Variants in ITGAE observed in about 807,000 individuals in gnomAD.
ITGAE encodes integrin subunit alpha E.
ITGAE carries 99 observed loss-of-function variants against 136.5 expected under a neutral mutation model. The observed-to-expected ratio is 0.73, with a 90% confidence interval of 0.62 to 0.86. The LOEUF (loss-of-function observed/expected upper bound fraction) is 0.86, where lower values mean the gene tolerates loss of function less well. ITGAE is among the 40% of genes least tolerant of loss of function. The probability of loss-of-function intolerance (pLI) is 0.00; values close to 1 mark genes in which losing one functional copy is unlikely to be tolerated. For missense variants in ITGAE, 1,447 were observed against 1,515.3 expected, an observed-to-expected ratio of 0.95 and a Z score of 0.75; for synonymous variants, 613 against 591.8, an observed-to-expected ratio of 1.04 and a Z score of -0.52.
intron 12 of ITGAE, 62 bp from the exon 13 acceptor site, chr17:3,753,987 C>G: frequency 6.4e-7 from 1 of 1,570,000 alleles, no homozygotes; most frequent in African/African-American, 1.3e-5. Flanking sequence ...TCTCTCTTGG[C>G]CCCGGCACCT....
chr17:3,751,949 C>T lies in ITGAE; in HGVS notation c.1669-75G>A, dbSNP rs1260324042. ...CACTCCATTGCCACCCCGATGCACG[C>T]TCACTGGGCCGGTGGGTGCCCACTC... is the stretch of plus-strand genomic sequence containing the variant. On this transcript the variant is annotated intron_variant, in intron 14 of 30. Transcript: ENST00000263087. 10 of 1,290,626 alleles carry T rather than the reference C, an allele frequency of 7.7e-6. No homozygotes were observed. The Admixed American group carries it at 1.1e-4, about 14-fold the overall frequency. 79.9% of individuals were successfully genotyped at this position (1,290,626 alleles called of 1,614,324 possible). A position where few individuals can be genotyped will look rare whatever the true frequency, so the allele number is the denominator to read the frequency against.
chr17:3,771,426 G>A (rs943525320), intron 2 of ITGAE, among the ~76,000 whole-genome samples: 70 of 152,338 alleles, frequency 4.6e-4, no homozygotes, highest in African/African-American at 1.7e-3. Flanking sequence ...GGCTTAGAGG[G>A]GGCCTAGGCG....
rs2053165514 is a variant in ITGAE, at chr17:3,798,117, C to A, written c.34+2994G>T. 6.6e-6 allele frequency among the ~76,000 whole-genome samples: 1 copy of A among 152,230 alleles called. No homozygotes were observed. Among genetic ancestry groups the A allele is most frequent in the South Asian group, 2.1e-4 (1 of 4,836 alleles). On this transcript the variant is annotated intron_variant, in intron 1 of 30. Transcript: ENST00000263087. The surrounding 1 kb of genome is among the most constrained non-coding windows in gnomAD (Gnocchi z 4.3). ...GAAGGGCAGGGATGTGGGGCTCCCACACGGCCCACACTCCCCCAGCCAGCT... is the reference window on the plus strand; with the variant it reads ...GAAGGGCAGGGATGTGGGGCTCCCAAACGGCCCACACTCCCCCAGCCAGCT...
intron 2 of ITGAE, among the ~76,000 whole-genome samples, chr17:3,769,802 G>A (rs192106499): frequency 2.0e-5 from 3 of 152,008 alleles, no homozygotes; most frequent in Admixed American, 6.6e-5. Flanking sequence ...TCCTGCCTTA[G>A]CCTCTGCCTC....
chr17:3,724,266 G>A, intron 26 of ITGAE: 8 of 1,590,958 alleles, frequency 5.0e-6, no homozygotes, highest in Non-Finnish European at 6.8e-6. Flanking sequence ...AAGCCTAACC[G>A]TGACCCCAAG....
At chr17:3,776,698 C>T (rs1406924233) in intron 2 of ITGAE, among the ~76,000 whole-genome samples, 1 of 152,116 alleles carries the variant, frequency 6.6e-6, no homozygotes, top group Non-Finnish European at 1.5e-5. Flanking sequence ...GCTGAGACTA[C>T]AGGCAGGCAC....
intron 29 of ITGAE, chr17:3,717,325 C>G (rs1597289567): frequency 6.5e-6 from 1 of 153,414 alleles, no homozygotes; most frequent in South Asian, 2.0e-4. Context: ...TGGTCTTCCC[C>G]TCACCAGACT....
At chr17:3,719,555 T>C (rs2051009299) in intron 29 of ITGAE, among the ~76,000 whole-genome samples, 1 of 152,200 alleles carries the variant, frequency 6.6e-6, no homozygotes, top group Admixed American at 6.5e-5. Context: ...GTCTGACTTC[T>C]AGTCATACTT....
intron 20 of ITGAE, among the ~76,000 whole-genome samples, chr17:3,739,519 G>A (rs1248234015): frequency 6.6e-6 from 1 of 152,176 alleles, no homozygotes; most frequent in African/African-American, 2.4e-5. Context: ...TCTGAATATA[G>A]CATTGTCCGG....
At chr17:3,716,887 G>C in intron 29 of ITGAE, 89 bp from the exon 30 acceptor site, 2 of 741,760 alleles carry the variant, frequency 2.7e-6, no homozygotes, top group Non-Finnish European at 4.7e-6. Context: ...AAAATACGAG[G>C]ACTTGGCAAC....
rs560566544 is a variant in ITGAE at position 3,758,879 on chromosome 17, A to C, written c.866+523T>G. Reference sequence around the variant, plus strand: ...GGTGGCTCACGCCTGTAATCCCAGCACTTTGGGAGGCCGAGGCGGGCGGAT... The same window carrying C: ...GGTGGCTCACGCCTGTAATCCCAGCCCTTTGGGAGGCCGAGGCGGGCGGAT... On this transcript the variant is annotated intron_variant, in intron 8 of 30. Coordinates refer to ENST00000263087, the MANE Select transcript of ITGAE (RefSeq NM_002208.5). Among the ~76,000 whole-genome samples, 247 of 151,264 alleles carry C rather than the reference A, an allele frequency of 1.6e-3. 2 individuals carry two copies. The highest frequency in any genetic ancestry group is 5.8e-3 in the African/African-American group (239 of 41,332).
chr17:3,720,616 C>T (rs2915561), intron 28 of ITGAE: 22,884 of 379,300 alleles, frequency 0.06, 5,101 homozygotes, highest in African/African-American at 0.47. Flanking sequence ...GAGTTTCGCT[C>T]TTTCGCCCAG....
chr17:3,787,108 AT>A (rs71155803), intron 1 of ITGAE, among the ~76,000 whole-genome samples: 42 of 149,818 alleles, frequency 2.8e-4, no homozygotes, highest in African/African-American at 1.0e-3. Flanking sequence ...ATCAGAGGGA[AT>A]TTTTTTTTCC....
At chr17:3,726,640 C>T (rs1335119745) in intron 26 of ITGAE, 1 of 289,368 alleles carries the variant, frequency 3.5e-6, no homozygotes, top group Non-Finnish European at 6.4e-6. Context: ...CTAGCCTGGT[C>T]AACATAGCAA....
At chr17:3,750,201 T>G in intron 16 of ITGAE, 151 bp downstream of exon 16, 1 of 1,150,570 alleles carries the variant, frequency 8.7e-7, no homozygotes, top group Non-Finnish European at 1.2e-6. Flanking sequence ...GAGCTGAGGT[T>G]CAAACCCAGA....
At chr17:3,737,206 G>A (rs903245211) in intron 20 of ITGAE, among the ~76,000 whole-genome samples, 1 of 152,148 alleles carries the variant, frequency 6.6e-6, no homozygotes, top group Non-Finnish European at 1.5e-5. Flanking sequence ...GGCAGGAGAA[G>A]CACTTGAAGC....
chr17:3,766,204 T>C (rs1319619862), intron 2 of ITGAE, among the ~76,000 whole-genome samples: 1 of 152,082 alleles, frequency 6.6e-6, no homozygotes, highest in Non-Finnish European at 1.5e-5. Flanking sequence ...CAGGGAATGC[T>C]GGGAGCCTCC....
chr17:3,724,415 C>A, intron 26 of ITGAE: 1 of 1,612,470 alleles, frequency 6.2e-7, no homozygotes, highest in Admixed American at 1.7e-5. Context: ...GGGACGGCGA[C>A]GAGCTGGGCA....
chr17:3,787,810 C>G (rs1176396176), intron 1 of ITGAE, among the ~76,000 whole-genome samples: 1 of 151,864 alleles, frequency 6.6e-6, no homozygotes, highest in Non-Finnish European at 1.5e-5. Flanking sequence ...GCCTCAGCCT[C>G]CTGAGTACCT....
Sources: allele counts gnomAD v4.1 joint callset (sites outside exome capture counted in the v4.1 genomes callset), GRCh38; gene constraint gnomAD v4.1.1; non-coding constraint Gnocchi (gnomAD v3.1); transcripts MANE v1.5; gene names NCBI Gene and HGNC (gene_info 2026-07-23, HGNC 2026-07-21).